TARBP1: variants seen among roughly 807,000 people sequenced by gnomAD.
TARBP1 encodes tRNA (guanosine(18)-2'-O)-methyltransferase TARBP1.
TARBP1 carries 144 observed loss-of-function variants against 178.6 expected under a neutral mutation model. The ratio of observed to expected loss-of-function variants is 0.81; its 90% CI spans 0.70 to 0.93. The LOEUF is 0.93. TARBP1 is among the 40% of genes least tolerant of loss of function. The pLI is 0.00. For synonymous variants in TARBP1, 787 were observed against 781.0 expected (o/e 1.01, Z -0.13); for missense variants, 2,067 against 2,011.7 (o/e 1.03, Z -0.53).
At chr1:234,468,974 A>G (rs1668748870) in intron 3 of TARBP1, among the ~76,000 whole-genome samples, 1 of 150,792 alleles carries the variant, frequency 6.6e-6, no homozygotes, top group Non-Finnish European at 1.5e-5. Flanking sequence ...GGAAAACACA[A>G]AAGTCAGGTG....
intron 9 of TARBP1, among the ~76,000 whole-genome samples, chr1:234,452,541 G>A (rs577970496): frequency 6.6e-6 from 1 of 152,294 alleles, no homozygotes; most frequent in South Asian, 2.1e-4. Context: ...TACTGGAGTG[G>A]CTAAAATCCA....
chr1:234,473,127 G>A (rs1053423849), intron 1 of TARBP1, among the ~76,000 whole-genome samples: 1 of 152,180 alleles, frequency 6.6e-6, no homozygotes, highest in Non-Finnish European at 1.5e-5. Flanking sequence ...GGAGAACACT[G>A]GGGGCAGACA....
chr1:234,476,391 C>CA (rs1669571083), intron 1 of TARBP1, among the ~76,000 whole-genome samples: 1 of 152,180 alleles, frequency 6.6e-6, no homozygotes, highest in Non-Finnish European at 1.5e-5. Context: ...CTCAACAGAA[C>CA]ACCCAGGTGA....
intron 21 of TARBP1, among the ~76,000 whole-genome samples, chr1:234,419,374 T>C (rs1300186374): frequency 1.3e-5 from 2 of 152,170 alleles, no homozygotes; most frequent in Non-Finnish European, 2.9e-5. Context: ...GAATTCCACC[T>C]CTATCATTCA....
At chr1:234,427,256 T>A in intron 19 of TARBP1, 61 bp downstream of exon 19, 4 of 1,164,374 alleles carry the variant, frequency 3.4e-6, no homozygotes, top group Non-Finnish European at 5.1e-6. Flanking sequence ...ATGTTTGTCA[T>A]ATGATGTTAA....
rs571498976 is a variant in TARBP1, at chr1:234,427,347, T to C, written c.3293A>G (p.His1098Arg). ...DVQTFIENLG[H>R]DCAANIVMEN... ...CATAACAATATTTGCCGCACAGTCA[T>C]GTCCAAGGTTTTCTATGAAGGTCTG... The change falls in exon 19 of 30, where the codon CAT becomes CGT. Residue 1098 changes from histidine to arginine, a missense_variant. Coordinates refer to ENST00000040877, the MANE Select transcript of TARBP1 (RefSeq NM_005646.4). 137 of 1,612,532 alleles carry C rather than the reference T, an allele frequency of 8.5e-5. 3 individuals carry two copies. The South Asian group carries it at 9.8e-4, about 12-fold the overall frequency.
rs754758365 is a variant in TARBP1 at position 234,393,724 on chromosome 1, G to A, written c.4357C>T (p.Arg1453Cys). The change falls in exon 27 of 30, where the codon CGT becomes TGT. Residue 1453 changes from arginine (R) to cysteine (C), a missense_variant. By Grantham distance (180) the Arg-to-Cys change is radical. Coordinates refer to ENST00000040877, the MANE Select transcript of TARBP1 (RefSeq NM_005646.4). ...ATTGACTTTCCAAGTCTGGCAGCAC[G>A]ATCCTGAAACAGGAGCTCCAGGTCT... ...DLDLELLFQD[R>C]AARLGKSISR... 4.3e-6 allele frequency: 7 copies of A among 1,613,924 alleles called. No homozygotes were observed. The highest frequency in any genetic ancestry group is 3.3e-5 in the South Asian group (3 of 91,076).
intron 12 of TARBP1, among the ~76,000 whole-genome samples, chr1:234,445,360 T>C (rs1336346786): frequency 1.3e-5 from 2 of 152,208 alleles, no homozygotes; most frequent in African/African-American, 4.8e-5. Flanking sequence ...CTCATGACTT[T>C]AAATACCACC....
rs545105697 is a variant in TARBP1 at position 234,422,278 on chromosome 1, G to A, written c.3445-1466C>T. Among the ~76,000 whole-genome samples, 6 of 152,200 alleles carry A rather than the reference G, an allele frequency of 3.9e-5. No homozygotes were observed. In the South Asian group the frequency reaches 8.3e-4, roughly 21 times the overall value. On this transcript the variant is annotated intron_variant, in intron 20 of 29. Coordinates refer to ENST00000040877, the MANE Select transcript of TARBP1 (RefSeq NM_005646.4). ...TCCACTCAGTGTGCTCCTTTACTCA[G>A]AATATCTTTTCTCTACTAGTCTGTT...
At chr1:234,446,088 G>A (rs954316480) in intron 12 of TARBP1, among the ~76,000 whole-genome samples, 3 of 151,952 alleles carry the variant, frequency 2.0e-5, no homozygotes, top group Admixed American at 6.6e-5. Context: ...AAATATAATC[G>A]TATCAATTTT....
chr1:234,447,797 G>A (rs935264565), intron 11 of TARBP1, among the ~76,000 whole-genome samples: 7 of 151,566 alleles, frequency 4.6e-5, no homozygotes, highest in Admixed American at 2.0e-4. Context: ...CTTTATTACC[G>A]TTTTTTTAAT....
chr1:234,413,615 C>T (rs571045332), intron 22 of TARBP1, among the ~76,000 whole-genome samples: 15 of 152,302 alleles, frequency 9.8e-5, no homozygotes, highest in African/African-American at 3.4e-4. Context: ...CCTAAGATCA[C>T]GCAAGCCTTA....
intron 12 of TARBP1, among the ~76,000 whole-genome samples, chr1:234,439,898 C>T (rs1241055079): frequency 6.6e-6 from 1 of 152,074 alleles, no homozygotes; most frequent in East Asian, 1.9e-4. Context: ...CATGAAAACT[C>T]TTGGATATAA....
At position 234,437,304 on chromosome 1, in the gene TARBP1, T is replaced by C. The variant is rs1468352789; in HGVS notation, c.2203A>G (p.Arg735Gly). 5 of 1,588,456 alleles carry C rather than the reference T, an allele frequency of 3.1e-6. No individual in the cohort carries two copies. The highest frequency in any genetic ancestry group is 1.3e-5 in the African/African-American group (1 of 74,302). ...TTESISEFIL[R>G]RLTMNELNSV... ...TTTAGCTCATTCATAGTAAGTCTTCTGAGAATAAATTCAGAAATGCTCTCT... is the reference window on the plus strand; with the variant it reads ...TTTAGCTCATTCATAGTAAGTCTTCCGAGAATAAATTCAGAAATGCTCTCT... Residue 735 changes from arginine to glycine, a missense_variant, in exon 13 of 30, where the codon AGA becomes GGA. Physicochemically the swap from Arg to Gly is moderately radical, Grantham distance 125 (BLOSUM62 -2). Coordinates refer to ENST00000040877, the MANE Select transcript of TARBP1 (RefSeq NM_005646.4).
chr1:234,415,989 G>A (rs1429625552), intron 22 of TARBP1, among the ~76,000 whole-genome samples: 1 of 152,174 alleles, frequency 6.6e-6, no homozygotes, highest in Non-Finnish European at 1.5e-5. Flanking sequence ...TCTGTCTGAT[G>A]TCCACAGGTA....
intron 23 of TARBP1, chr1:234,407,844 G>A (rs1387997608): frequency 6.6e-6 from 1 of 152,060 alleles, no homozygotes; most frequent in East Asian, 1.9e-4. Context: ...GATGCTCCAG[G>A]CTCATCTTGT....
At chr1:234,402,933 T>C (rs943667272) in intron 24 of TARBP1, among the ~76,000 whole-genome samples, 6 of 152,126 alleles carry the variant, frequency 3.9e-5, no homozygotes, top group African/African-American at 7.2e-5. Flanking sequence ...AATTATGCTA[T>C]CGAATGGCTC....
At chr1:234,440,437 C>A (rs1665470457) in intron 12 of TARBP1, among the ~76,000 whole-genome samples, 1 of 151,030 alleles carries the variant, frequency 6.6e-6, no homozygotes, top group Non-Finnish European at 1.5e-5. Context: ...AAATGATAAA[C>A]CACTAGCAAG....
intron 9 of TARBP1, among the ~76,000 whole-genome samples, chr1:234,456,339 T>G (rs1295370024): frequency 6.6e-6 from 1 of 152,234 alleles, no homozygotes; most frequent in Non-Finnish European, 1.5e-5. Flanking sequence ...TAGCTGAGAC[T>G]ACAGGCACAC....
Sources: gnomAD v4.1 joint callset for allele counts (sites outside exome capture counted in the v4.1 genomes callset) on GRCh38, gnomAD v4.1.1 for gene constraint, MANE v1.5 for transcripts, NCBI Gene and HGNC (gene_info 2026-07-23, HGNC 2026-07-21) for gene names.